Variants in CLN3 observed in about 807,000 individuals in gnomAD.
CLN3 encodes battenin.
Under a neutral mutation model 60.7 loss-of-function variants are expected in CLN3, and 49 were observed. That is an observed-to-expected ratio of 0.81 (90% CI 0.64 to 1.02). The LOEUF (loss-of-function observed/expected upper bound fraction) is 1.02, where lower values mean the gene tolerates loss of function less well. Ranked by LOEUF, CLN3 falls within the 50% of genes least tolerant of loss-of-function variation. The pLI, the probability that CLN3 is intolerant of heterozygous loss-of-function variation, is 0.00. For missense variants in CLN3, 516 were observed against 557.4 expected (o/e 0.93, Z 0.75); for synonymous variants, 256 against 245.8 (o/e 1.04, Z -0.39).
Position 28,488,560 on chromosome 16 carries a change from C to G in CLN3, c.294+31G>C, listed in dbSNP as rs758262070. On this transcript the variant is annotated intron_variant, in intron 5 of 15. Coordinates refer to ENST00000636147, the MANE Select transcript of CLN3 (RefSeq NM_001042432.2). The stretch of plus-strand genomic sequence containing the variant: ...GTCTATAGACCCAGGGGCCCTGGGT[C>G]AGGCAAGGACCAGGTGAGATGAGTA... The G allele has an allele frequency of 6.8e-6, 11 of 1,607,984 alleles. No homozygotes were observed. In the Admixed American group the frequency reaches 1.8e-4, roughly 27 times the overall value.
intron 10 of CLN3, among the ~76,000 whole-genome samples, chr16:28,483,207 C>T (rs1172259653): frequency 6.6e-6 from 1 of 152,050 alleles, no homozygotes; most frequent in Non-Finnish European, 1.5e-5. Context: ...GACCTCTTCA[C>T]GTCTCTTTGA....
downstream of CLN3, among the ~76,000 whole-genome samples, chr16:28,474,952 A>C (rs2045979490): frequency 6.6e-6 from 1 of 152,144 alleles, no homozygotes; most frequent in Non-Finnish European, 1.5e-5. Flanking sequence ...AAAAAAAATA[A>C]AAATTAGCCA....
At chr16:28,472,376 C>T (rs2045957243), downstream of CLN3, among the ~76,000 whole-genome samples, 3 of 152,022 alleles carry the variant, frequency 2.0e-5, no homozygotes, top group South Asian at 6.2e-4. Flanking sequence ...GTGACAAAAA[C>T]CCTGTCTCTA....
intron 11 of CLN3, 21 bp downstream of exon 11, chr16:28,482,605 T>C (rs753136864): frequency 6.2e-7 from 1 of 1,614,068 alleles, no homozygotes; most frequent in African/African-American, 1.3e-5. Context: ...CACAGGGACA[T>C]ACCCCAGCCA....
chr16:28,486,678 T>C, intron 7 of CLN3, 28 bp from the exon 8 acceptor site: 1 of 1,588,462 alleles, frequency 6.3e-7, no homozygotes, highest in Non-Finnish European at 8.6e-7. Flanking sequence ...ACTGGGATGG[T>C]CACACCACAC....
At chr16:28,480,409 T>C (rs2046068573) in intron 14 of CLN3, among the ~76,000 whole-genome samples, 1 of 149,220 alleles carries the variant, frequency 6.7e-6, no homozygotes, top group Non-Finnish European at 1.5e-5. Context: ...TTCCTAAGTC[T>C]TTTTTTTTGG....
downstream of CLN3, chr16:28,474,051 T>A (rs2045972420): frequency 1.3e-5 from 2 of 152,020 alleles, 1 homozygote; most frequent in South Asian, 4.1e-4. Flanking sequence ...GTGGATCACC[T>A]GAGTTTAGAA....
intron 13 of CLN3, 60 bp from the exon 14 acceptor site, chr16:28,482,258 G>C: frequency 6.2e-7 from 1 of 1,600,692 alleles, no homozygotes; most frequent in Non-Finnish European, 8.5e-7. Flanking sequence ...CGCTCCCCCC[G>C]GTGCCTACTG....
At chr16:28,490,793 G>A (rs2046302480) in intron 3 of CLN3, among the ~76,000 whole-genome samples, 1 of 150,776 alleles carries the variant, frequency 6.6e-6, no homozygotes, top group Admixed American at 6.6e-5. Flanking sequence ...TTCAGGCCCG[G>A]CATGGTGGCT....
intron 3 of CLN3, chr16:28,491,165 T>C (rs1027457042): frequency 2.1e-5 from 8 of 381,364 alleles, no homozygotes; most frequent in African/African-American, 1.6e-4. Context: ...AGGAAAACGC[T>C]GGTTTTCCAA....
At chr16:28,481,676 T>C (rs1375478854) in intron 14 of CLN3, among the ~76,000 whole-genome samples, 1 of 152,040 alleles carries the variant, frequency 6.6e-6, no homozygotes, top group Non-Finnish European at 1.5e-5. Context: ...TACATGGAGC[T>C]CTGCTGGACT....
downstream of CLN3, among the ~76,000 whole-genome samples, chr16:28,472,745 G>C (rs947009097): frequency 6.7e-6 from 1 of 150,274 alleles, no homozygotes; most frequent in Non-Finnish European, 1.5e-5. Context: ...AGGAGGCTGA[G>C]GCAGGAGAAT....
Position 28,482,685 on chromosome 16 carries a change from A to G in CLN3, c.791-13T>C, listed in dbSNP as rs759642431. ...CTGGAGCTGGAGCCTGCAGGGGAAC[A>G]GAGAGAGAAGGGCAGATGAAGTTTT... On this transcript the variant is annotated splice_polypyrimidine_tract_variant and intron_variant, in intron 10 of 15. Transcript: ENST00000636147. The G allele has an allele frequency of 6.2e-7, 1 of 1,614,124 alleles. No homozygotes were observed. Among genetic ancestry groups the G allele is most frequent in the South Asian group, 1.1e-5 (1 of 91,086 alleles).
chr16:28,470,629 G>GA (rs2045942700), downstream of CLN3: 1 of 107,170 alleles, frequency 9.3e-6, no homozygotes, highest in African/African-American at 4.9e-5. Context: ...AAGGGGAGGG[G>GA]AGGGGGAGGG....
chr16:28,473,657 G>C (rs1021411830), downstream of CLN3, among the ~76,000 whole-genome samples: 2 of 152,166 alleles, frequency 1.3e-5, no homozygotes, highest in African/African-American at 4.8e-5. Context: ...CACAGAATGG[G>C]AGAAAATATT....
chr16:28,485,016 G>C (rs1403235886), intron 9 of CLN3: 1 of 151,360 alleles, frequency 6.6e-6, no homozygotes, highest in Non-Finnish European at 1.5e-5. Context: ...CACAATCACG[G>C]CTCACTGCAA....
intron 14 of CLN3, among the ~76,000 whole-genome samples, chr16:28,481,513 A>G (rs573468424): frequency 1.0e-4 from 15 of 150,620 alleles, no homozygotes; most frequent in East Asian, 2.0e-4. Context: ...TCTCATCTCT[A>G]TTTCTTACAA....
chr16:28,487,363 C>T (rs2046236777), intron 7 of CLN3, 93 bp downstream of exon 7: 1 of 1,033,818 alleles, frequency 9.7e-7, no homozygotes, highest in Non-Finnish European at 1.5e-6. Flanking sequence ...CAGAATGAAT[C>T]CCTTTCCTCT....
At position 28,492,015 on chromosome 16, in the gene CLN3, T is replaced by C; in HGVS notation, c.-77+5A>G. The C allele has an allele frequency of 6.7e-6, 4 of 598,042 alleles. No homozygotes were observed. Among genetic ancestry groups the C allele is most frequent in the South Asian group, 3.9e-5 (2 of 51,060 alleles). The allele number at this position is 598,042 out of a possible 1,614,324, so 37.0% of individuals were successfully genotyped here. On this transcript the variant is annotated splice_donor_5th_base_variant and intron_variant, in intron 1 of 15. Transcript: ENST00000636147. Reference sequence around the variant, plus strand: ...CGTCTACAGCAGGGACCCTGAGGCCTGTACCTTTAAGAGCAGCAGAATGTT... The same window carrying C: ...CGTCTACAGCAGGGACCCTGAGGCCCGTACCTTTAAGAGCAGCAGAATGTT...
Sources: allele counts gnomAD v4.1 joint callset (sites outside exome capture counted in the v4.1 genomes callset), GRCh38; gene constraint gnomAD v4.1.1; transcripts MANE v1.5; gene names NCBI Gene and HGNC (gene_info 2026-07-23, HGNC 2026-07-21).